MYO1F: variants seen among roughly 807,000 people sequenced by gnomAD.
MYO1F encodes the protein unconventional myosin-If.
Under a neutral mutation model 146.6 loss-of-function variants are expected in MYO1F, and 60 were observed. The observed-to-expected ratio is 0.41, with a 90% confidence interval of 0.33 to 0.51. The LOEUF is 0.51. Among genes scored for constraint, MYO1F ranks in the 20% least tolerant of loss-of-function variants. The pLI, the probability that MYO1F is intolerant of heterozygous loss-of-function variation, is 0.25. For missense variants in MYO1F, 1,274 were observed against 1,534.3 expected, an observed-to-expected ratio of 0.83 and a Z score of 2.83; for synonymous variants, 602 against 602.1, an observed-to-expected ratio of 1.00 and a Z score of 0.00.
rs1432133151 is a variant in MYO1F, at chr19:8,536,615, C to T, written c.1800-18G>A. 2 of 1,190,042 alleles carry T rather than the reference C, an allele frequency of 1.7e-6. No homozygotes were observed. The highest frequency in any genetic ancestry group is 4.2e-5 in the African/African-American group (2 of 47,292). 73.7% of individuals were successfully genotyped at this position (1,190,042 alleles called of 1,614,324 possible). A position where few individuals can be genotyped will look rare whatever the true frequency, so the allele number is the denominator to read the frequency against. ...GCTTGACTCTGGTGGGGAGGGTAGG[C>T]TGAGTCCCCTCGGGGTGGGGAGTCA... On this transcript the variant is annotated intron_variant, in intron 17 of 27. Coordinates refer to ENST00000644032, the MANE Select transcript of MYO1F (RefSeq NM_012335.4).
At chr19:8,533,997 G>A (rs923553542) in intron 19 of MYO1F, among the ~76,000 whole-genome samples, 2 of 151,918 alleles carry the variant, frequency 1.3e-5, no homozygotes, top group Admixed American at 1.3e-4. Flanking sequence ...TGGCCAACAG[G>A]GTGAAAACCC....
In MYO1F at chr19:8,526,894, G is replaced by T. The variant is rs114946243; in HGVS notation, c.2516C>A (p.Ala839Asp). The part of the protein sequence containing the change: ...DDFFILQEDA[A>D]DSFLESVFKT... ...GAAGACGCTCTCCAGGAAGCTGTCGGCGGCATCCTCTTGGAGGATGAAGAA... is the reference window on the plus strand; with the variant it reads ...GAAGACGCTCTCCAGGAAGCTGTCGTCGGCATCCTCTTGGAGGATGAAGAA... Residue 839 changes from alanine (A) to aspartate (D), a missense_variant, in exon 23 of 28, where the codon GCC becomes GAC. Ala to Asp is a moderately radical substitution (Grantham distance 126). Around this residue, in one of 2 missense-constraint regions of MYO1F, gnomAD observed 374 missense variants for 379.2 expected, o/e 0.99. Coordinates refer to ENST00000644032, the MANE Select transcript of MYO1F (RefSeq NM_012335.4). 1,455 of 1,614,062 alleles carry T rather than the reference G, an allele frequency of 9.0e-4. 21 individuals are homozygous for T. The African/African-American group carries it at 0.016, about 18-fold the overall frequency.
chr19:8,548,066 G>T lies in MYO1F; in HGVS notation c.1239C>A (p.Ile413=), dbSNP rs1457234365. Residue 413 remains isoleucine, a synonymous_variant, in exon 12 of 28, where the codon ATC becomes ATA. Transcript: ENST00000644032. ...CGGCCTTCAGGGTAAGTTCGATAAA[G>T]ATTTGCTGCAGCTTCTCATTGACGA... ...INFVNEKLQQ[I]FIELTLKAEQ... The T allele has an allele frequency of 8.2e-6, 13 of 1,582,912 alleles. No homozygotes were observed. Among genetic ancestry groups the T allele is most frequent in the South Asian group, 1.1e-5 (1 of 90,616 alleles).
At chr19:8,533,298 G>A (rs1392668778) in intron 19 of MYO1F, among the ~76,000 whole-genome samples, 3 of 151,438 alleles carry the variant, frequency 2.0e-5, no homozygotes, top group African/African-American at 7.3e-5. Flanking sequence ...CAAAGTGCTG[G>A]GATTACAGGC....
chr19:8,577,289 C>G lies in MYO1F; in HGVS notation c.3+18G>C, dbSNP rs1555734030. ...CCCTCCTCTTTCTTCTTCCAGATCC[C>G]ACCCTTGAAGGACTTACCATGGTGG... On this transcript the variant is annotated intron_variant, in intron 1 of 27. Transcript: ENST00000644032. This position sits in a 1 kb window ranked among gnomAD's most constrained non-coding sequence, Gnocchi z 4.3. 1 of 1,613,702 alleles carries G rather than the reference C, an allele frequency of 6.2e-7. No individual in the cohort carries two copies. Among genetic ancestry groups the G allele is most frequent in the East Asian group, 2.2e-5 (1 of 44,866 alleles).
At chr19:8,557,821 G>A (rs756719190) in intron 1 of MYO1F, among the ~76,000 whole-genome samples, 18 of 151,906 alleles carry the variant, frequency 1.2e-4, no homozygotes, top group African/African-American at 3.4e-4. Context: ...CACATCCCCC[G>A]TCCCCTCCCC....
intron 12 of MYO1F, among the ~76,000 whole-genome samples, 188 bp from the exon 13 acceptor site, chr19:8,545,924 A>C (rs1973329693): frequency 6.6e-6 from 1 of 152,044 alleles, no homozygotes; most frequent in African/African-American, 2.4e-5. Context: ...CTTGACCAAT[A>C]ATCAACAGGA....
At chr19:8,550,729 A>G (rs747155271) in intron 8 of MYO1F, 35 bp from the exon 9 acceptor site, 1 of 1,612,962 alleles carries the variant, frequency 6.2e-7, no homozygotes, top group Non-Finnish European at 8.5e-7. Context: ...TGTGCCGTGA[A>G]TCCTGGCCTC....
Position 8,541,934 on chromosome 19 carries a change from G to A in MYO1F, c.1582C>T (p.Leu528Phe). Residue 528 changes from leucine to phenylalanine, a missense_variant, in exon 15 of 28, where the codon CTC becomes TTC. By Grantham distance (22) the Leu-to-Phe change is conservative. Transcript: ENST00000644032. ...TCACTGGTCTGCATCAGCTCTATGA[G>A]GTCGGAGAAGAGAACGTCTCGGTTC... is the stretch of plus-strand genomic sequence containing the variant. ...ERNRDVLFSD[L>F]IELMQTSEQA... 1.9e-6 allele frequency: 3 copies of A among 1,613,614 alleles called. No homozygotes were observed. Among genetic ancestry groups the A allele is most frequent in the South Asian group, 1.1e-5 (1 of 91,084 alleles).
intron 9 of MYO1F, 45 bp from the exon 10 acceptor site, chr19:8,550,401 C>T (rs751499000): frequency 4.4e-6 from 7 of 1,590,084 alleles, no homozygotes; most frequent in Non-Finnish European, 5.1e-6. Context: ...GTTGGTTGGG[C>T]TCTTGTGCCT....
intron 22 of MYO1F, 119 bp from the exon 23 acceptor site, chr19:8,527,054 G>A (rs1972302746): frequency 7.4e-7 from 1 of 1,350,274 alleles, no homozygotes; most frequent in Non-Finnish European, 1.0e-6. Context: ...CCAAGTCAGC[G>A]GTGACCAGGT....
intron 24 of MYO1F, among the ~76,000 whole-genome samples, chr19:8,525,810 C>A (rs1228301729): frequency 6.6e-6 from 1 of 152,150 alleles, no homozygotes; most frequent in East Asian, 1.9e-4. Flanking sequence ...CTACCCAGTT[C>A]CAGGGTTGCC....
At position 8,530,228 on chromosome 19, in the gene MYO1F, C is replaced by T. The variant is rs747752153; in HGVS notation, c.2296G>A (p.Asp766Asn). ...CGGCGGTCGTACTTGGTGACCGAAT[C>T]GGCGAAGTCCACCCGCTCCCTCTTG... Reference protein sequence around the residue: ...LGKRERVDFADSVTKYDRRFK... With the variant: ...LGKRERVDFANSVTKYDRRFK... The change falls in exon 21 of 28, where the codon GAT (aspartate) becomes AAT (asparagine). Residue 766 changes from aspartate to asparagine, a missense_variant. Physicochemically the swap from Asp to Asn is conservative, Grantham distance 23. Coordinates refer to ENST00000644032, the MANE Select transcript of MYO1F (RefSeq NM_012335.4). The surrounding 1 kb of genome is among the most constrained non-coding windows in gnomAD (Gnocchi z 5.8). 2.0e-5 allele frequency: 32 copies of T among 1,613,918 alleles called. No individual in the cohort carries two copies. Among genetic ancestry groups the T allele is most frequent in the Non-Finnish European group, 1.9e-5 (22 of 1,180,006 alleles).
At chr19:8,559,763 A>G (rs1476547259) in intron 1 of MYO1F, among the ~76,000 whole-genome samples, 1 of 151,960 alleles carries the variant, frequency 6.6e-6, no homozygotes, top group Non-Finnish European at 1.5e-5. Context: ...CAGCCTGACC[A>G]ACATGGTGAA....
chr19:8,536,224 T>C (rs1972704589), intron 19 of MYO1F, 28 bp downstream of exon 19: 2 of 1,601,018 alleles, frequency 1.2e-6, no homozygotes, highest in Non-Finnish European at 8.5e-7. Flanking sequence ...CCCCTCTCCT[T>C]CTCTGCCTGT....
At chr19:8,557,322 G>A (rs545157244) in intron 1 of MYO1F, among the ~76,000 whole-genome samples, 2 of 151,934 alleles carry the variant, frequency 1.3e-5, no homozygotes, top group African/African-American at 4.8e-5. Context: ...TTTGAGACAG[G>A]GTCTCACTCT....
chr19:8,528,933 G>T (rs951480618), intron 21 of MYO1F, among the ~76,000 whole-genome samples: 1 of 152,108 alleles, frequency 6.6e-6, no homozygotes, highest in Non-Finnish European at 1.5e-5. Flanking sequence ...GCTGGCCTGC[G>T]GTCAGAGTTC....
At chr19:8,560,883 C>T (rs938152878) in intron 1 of MYO1F, among the ~76,000 whole-genome samples, 30 of 151,954 alleles carry the variant, frequency 2.0e-4, no homozygotes, top group Non-Finnish European at 2.9e-4. Flanking sequence ...GGACTACAGG[C>T]GCCCGCCACC....
intron 6 of MYO1F, 77 bp downstream of exon 6, chr19:8,553,053 ATACGGGTGT>A: frequency 1.6e-6 from 2 of 1,278,930 alleles, no homozygotes; most frequent in South Asian, 2.4e-5. Flanking sequence ...TGTCTTGGCA[ATACGGGTGT>A]GTGTATGTGT....
Sources: gnomAD v4.1 joint callset for allele counts (sites outside exome capture counted in the v4.1 genomes callset) on GRCh38, gnomAD v4.1.1 for gene constraint, gnomAD v4.1.1 regional missense constraint, Gnocchi (gnomAD v3.1) non-coding constraint, MANE v1.5 for transcripts, NCBI Gene and HGNC (gene_info 2026-07-23, HGNC 2026-07-21) for gene names.